The following CLVS1 variants were observed in gnomAD, a reference collection of about 807,000 sequenced individuals.
CLVS1 encodes clavesin 1.
Under a neutral mutation model 33.1 loss-of-function variants are expected in CLVS1, and 10 were observed. The observed-to-expected ratio is 0.30, with a 90% confidence interval of 0.19 to 0.51. The LOEUF is 0.51. CLVS1 is among the 20% of genes least tolerant of loss of function. The pLI, the probability that CLVS1 is intolerant of heterozygous loss-of-function variation, is 0.97. For missense variants in CLVS1, 343 were observed against 433.4 expected, an observed-to-expected ratio of 0.79 and a Z score of 1.85; for synonymous variants, 163 against 166.1, an observed-to-expected ratio of 0.98 and a Z score of 0.14.
chr8:61,195,746 G>T (rs1472589650), intron 2 of CLVS1, among the ~76,000 whole-genome samples: 1 of 151,988 alleles, frequency 6.6e-6, no homozygotes, highest in African/African-American at 2.4e-5. Flanking sequence ...AAAAAAGGGG[G>T]AAAAGTGAAG....
chr8:61,132,341 C>T (rs1465262004), intron 2 of CLVS1, among the ~76,000 whole-genome samples: 1 of 152,200 alleles, frequency 6.6e-6, no homozygotes, highest in Non-Finnish European at 1.5e-5. Flanking sequence ...TGAGGGGGCA[C>T]AGGAGCTGTG....
chr8:61,484,879 C>T (rs1174039746), intron 5 of CLVS1, among the ~76,000 whole-genome samples: 3 of 152,162 alleles, frequency 2.0e-5, no homozygotes, highest in African/African-American at 7.2e-5. Context: ...GCTGGGAAAA[C>T]TGGCTAGCCA....
chr8:61,459,196 G>A (rs1255798868), intron 5 of CLVS1, among the ~76,000 whole-genome samples: 2 of 152,060 alleles, frequency 1.3e-5, no homozygotes, highest in East Asian at 1.9e-4. Context: ...GGTGGGAGAT[G>A]GGACTGGACA....
At chr8:61,031,614 T>A in the CLVS1 span, among the ~76,000 whole-genome samples, 3 of 152,312 alleles carry the variant, frequency 2.0e-5, no homozygotes, top group African/African-American at 7.2e-5. Flanking sequence ...TATTCTCTGT[T>A]TGGAGTAGTA....
intron 2 of CLVS1, among the ~76,000 whole-genome samples, chr8:61,305,426 T>G (rs1320371229): frequency 6.6e-6 from 1 of 152,140 alleles, no homozygotes; most frequent in Non-Finnish European, 1.5e-5. Flanking sequence ...GAACATGAAA[T>G]ATTTGTCTTT....
intron 2 of CLVS1, among the ~76,000 whole-genome samples, chr8:61,374,488 T>A (rs1040463458): frequency 2.0e-5 from 3 of 152,204 alleles, no homozygotes; most frequent in Non-Finnish European, 4.4e-5. Flanking sequence ...AAATTCATAA[T>A]CTTTGCTCCC....
intron 2 of CLVS1, among the ~76,000 whole-genome samples, chr8:61,164,158 C>T (rs771264100): frequency 4.6e-5 from 7 of 152,148 alleles, no homozygotes; most frequent in Non-Finnish European, 7.3e-5. Context: ...ATTTGTCTGG[C>T]GTGAACTGAG....
intron 5 of CLVS1, among the ~76,000 whole-genome samples, chr8:61,489,755 A>G (rs1804005398): frequency 6.6e-6 from 1 of 152,194 alleles, no homozygotes; most frequent in South Asian, 2.1e-4. Context: ...CTTTTCCAAA[A>G]TGGTATCAGA....
the CLVS1 span, among the ~76,000 whole-genome samples, chr8:60,997,942 GTGTGTGTGTGTGTT>G: frequency 6.2e-3 from 938 of 152,264 alleles, 15 homozygotes; most frequent in African/African-American, 0.022. Context: ...GCTTGTGTGT[GTGTGTGTGTGTGTT>G]TGTGTGTATG....
At chr8:61,027,766 A>G in the CLVS1 span, among the ~76,000 whole-genome samples, 1 of 152,184 alleles carries the variant, frequency 6.6e-6, no homozygotes, top group Non-Finnish European at 1.5e-5. Flanking sequence ...GATGACAAAC[A>G]TCTGCATTAT....
At chr8:61,222,946 A>G (rs1317148268) in intron 2 of CLVS1, among the ~76,000 whole-genome samples, 3 of 84,320 alleles carry the variant, frequency 3.6e-5, no homozygotes, top group Admixed American at 1.1e-4. Flanking sequence ...TTTTTTTTTT[A>G]TCTTTGTTGG....
chr8:61,419,124 C>T (rs1815553057), intron 3 of CLVS1, among the ~76,000 whole-genome samples: 3 of 151,994 alleles, frequency 2.0e-5, no homozygotes, highest in Admixed American at 6.6e-5. Context: ...ATTGGCTGGG[C>T]GTGGTGTCTC....
intron 2 of CLVS1, among the ~76,000 whole-genome samples, chr8:61,184,009 A>G (rs2931309): frequency 0.5 from 76,622 of 152,122 alleles, 21,040 homozygotes; most frequent in Middle Eastern, 0.7. Flanking sequence ...AACTTCCAAG[A>G]AAATCAGCTA....
intron 2 of CLVS1, among the ~76,000 whole-genome samples, chr8:61,227,587 G>A (rs1808357637): frequency 6.6e-6 from 1 of 152,108 alleles, no homozygotes; most frequent in Non-Finnish European, 1.5e-5. Context: ...TAAATTTGTA[G>A]TTATTTCCCA....
At chr8:61,120,142 C>T (rs1585624154) in intron 1 of CLVS1, among the ~76,000 whole-genome samples, 1 of 146,772 alleles carries the variant, frequency 6.8e-6, no homozygotes, top group Non-Finnish European at 1.5e-5. Flanking sequence ...ATCGCTGATA[C>T]CCTTTCTTCC....
At chr8:61,202,283 G>A in intron 2 of CLVS1, 1 of 604,886 alleles carries the variant, frequency 1.7e-6, no homozygotes. Flanking sequence ...CTGTGTGGCT[G>A]TTCTCTGGAG....
intron 5 of CLVS1, among the ~76,000 whole-genome samples, chr8:61,470,323 T>G (rs1406319658): frequency 6.6e-6 from 1 of 152,138 alleles, no homozygotes; most frequent in Non-Finnish European, 1.5e-5. Flanking sequence ...TCTTAAAGAA[T>G]GATGTGAAAA....
At chr8:61,362,793 A>G (rs1813042324) in intron 2 of CLVS1, among the ~76,000 whole-genome samples, 1 of 151,608 alleles carries the variant, frequency 6.6e-6, no homozygotes, top group Non-Finnish European at 1.5e-5. Flanking sequence ...ATCTTAATTC[A>G]CTCTCTCCCC....
the CLVS1 span, among the ~76,000 whole-genome samples, chr8:61,021,382 G>A: frequency 2.6e-5 from 4 of 152,046 alleles, no homozygotes; most frequent in African/African-American, 7.2e-5. Context: ...ATGGAGTCCC[G>A]CCCTGTCGCC....
Sources: allele counts gnomAD v4.1 joint callset (sites outside exome capture counted in the v4.1 genomes callset), GRCh38; gene constraint gnomAD v4.1.1; transcripts MANE v1.5; gene names NCBI Gene and HGNC (gene_info 2026-07-23, HGNC 2026-07-21).